Variants in CENATAC observed in about 807,000 individuals in gnomAD.
CENATAC encodes centrosomal AT-AC splicing factor, also known as coiled-coil domain containing 84.
Under a neutral mutation model 53.7 loss-of-function variants are expected in CENATAC, and 53 were observed. That is an observed-to-expected ratio of 0.99 (90% CI 0.79 to 1.24). CENATAC has a LOEUF of 1.24. Ranked by LOEUF, CENATAC falls within the 50% of genes most tolerant of loss-of-function variation. The probability of loss-of-function intolerance (pLI) is 0.00; values close to 1 mark genes in which losing one functional copy is unlikely to be tolerated. For missense variants in CENATAC, 474 were observed against 417.8 expected (o/e 1.13, Z -1.17); for synonymous variants, 156 against 144.6 (o/e 1.08, Z -0.57).
At chr11:119,011,180 C>T in intron 4 of CENATAC, 41 bp from the exon 5 acceptor site, 3 of 1,572,584 alleles carry the variant, frequency 1.9e-6, no homozygotes, top group Non-Finnish European at 1.7e-6. Flanking sequence ...GAAACTGGCC[C>T]CCATGATCCT....
rs996084856 is a variant in CENATAC at position 119,002,036 on chromosome 11, C to A, written c.383+2927C>A. 3.8e-4 allele frequency among the ~76,000 whole-genome samples: 57 copies of A among 151,766 alleles called. No homozygotes were observed. In the Middle Eastern group the frequency reaches 0.02, roughly 54 times the overall value. On this transcript the variant is annotated intron_variant, in intron 3 of 10. Coordinates refer to ENST00000334418, the MANE Select transcript of CENATAC (RefSeq NM_198489.3). Reference sequence around the variant, plus strand: ...GTCAGGAGTTCGAGACCAGCTTGGTCAACATGGTGAAACCCCATCCCTACT... The same window carrying A: ...GTCAGGAGTTCGAGACCAGCTTGGTAAACATGGTGAAACCCCATCCCTACT...
At chr11:118,998,627 G>T in intron 2 of CENATAC, 34 bp downstream of exon 2, 1 of 1,549,772 alleles carries the variant, frequency 6.5e-7, no homozygotes. Context: ...CTCCAGCACA[G>T]ACGCATACAT....
At chr11:119,012,498 A>G (rs1307210985) in intron 7 of CENATAC, 2 of 419,690 alleles carry the variant, frequency 4.8e-6, no homozygotes, top group Non-Finnish European at 8.7e-6. Context: ...CATAGTTCCA[A>G]CTCAACACAG....
intron 3 of CENATAC, among the ~76,000 whole-genome samples, chr11:119,002,748 C>T (rs1263467293): frequency 2.7e-5 from 4 of 148,302 alleles, no homozygotes; most frequent in Non-Finnish European, 5.9e-5. Flanking sequence ...AGTAAGATTT[C>T]TCCCATGCGA....
rs564551696 is a variant in CENATAC, at chr11:119,006,075, ATTTTTTTTTTTT to A, written c.384-4670_384-4659del. The A allele has an allele frequency of 5.0e-4, 29 of 58,490 alleles. 1 individual carries two copies. The highest frequency in any genetic ancestry group is 7.4e-4 in the African/African-American group (10 of 13,440). The allele number at this position is 58,490 out of a possible 1,614,324, so 3.6% of individuals were successfully genotyped here. A position where few individuals can be genotyped will look rare whatever the true frequency, so the allele number is the denominator to read the frequency against. On this transcript the variant is annotated intron_variant, in intron 3 of 10. Coordinates refer to ENST00000334418, the MANE Select transcript of CENATAC (RefSeq NM_198489.3). ...TGCCTTGGCCTTCAGAGTAGGCAGGATTTTTTTTTTTTTTTTTTTTTTTTTTTTTTGAGATGG... is the reference window on the plus strand; with the variant it reads ...TGCCTTGGCCTTCAGAGTAGGCAGGATTTTTTTTTTTTTTTTTTGAGATGG...
At chr11:119,014,136 A>G (rs77864120) in intron 8 of CENATAC, 2 of 152,386 alleles carry the variant, frequency 1.3e-5, no homozygotes, top group African/African-American at 4.8e-5. Flanking sequence ...CTGTCTACAT[A>G]GACTTGTACA....
intron 3 of CENATAC, chr11:119,001,763 A>C: frequency 2.3e-6 from 1 of 441,228 alleles, no homozygotes; most frequent in Non-Finnish European, 4.6e-6. Flanking sequence ...ATAATCAAGA[A>C]ACTAATGAAA....
intron 3 of CENATAC, among the ~76,000 whole-genome samples, chr11:119,001,377 T>G (rs528050454): frequency 6.6e-6 from 1 of 152,190 alleles, no homozygotes; most frequent in Non-Finnish European, 1.5e-5. Flanking sequence ...TTTCTGTGTG[T>G]AAGTTTTGAT....
chr11:119,000,914 T>A (rs577465394), intron 3 of CENATAC, among the ~76,000 whole-genome samples: 218 of 152,218 alleles, frequency 1.4e-3, no homozygotes, highest in Non-Finnish European at 2.2e-3. Flanking sequence ...CACATAGATT[T>A]TGTCAATGTG....
At position 119,011,342 on chromosome 11, in the gene CENATAC, C is replaced by T. The variant is rs781826890; in HGVS notation, c.513+59C>T. 7 of 1,509,000 alleles carry T rather than the reference C, an allele frequency of 4.6e-6. No individual in the cohort carries two copies. In the Admixed American group the frequency reaches 1.2e-4, roughly 26 times the overall value. 93.5% of individuals were successfully genotyped at this position (1,509,000 alleles called of 1,614,324 possible). A position where few individuals can be genotyped will look rare whatever the true frequency, so the allele number is the denominator to read the frequency against. On this transcript the variant is annotated intron_variant, in intron 5 of 10. Transcript: ENST00000334418. ...CAAATCCACTGATCCCTGGCATTCC[C>T]AGGTCCAGCATTTCATGGACTAGTG...
intron 3 of CENATAC, chr11:119,003,451 T>G: frequency 2.1e-6 from 1 of 469,344 alleles, no homozygotes; most frequent in Non-Finnish European, 4.1e-6. Flanking sequence ...TGCCATCTTG[T>G]GAAAAGGGGC....
At chr11:119,000,535 C>T (rs1467463707) in intron 3 of CENATAC, among the ~76,000 whole-genome samples, 1 of 149,058 alleles carries the variant, frequency 6.7e-6, no homozygotes, top group African/African-American at 2.5e-5. Flanking sequence ...CATGGTGGCT[C>T]ATGTGAAGTC....
chr11:119,002,224 CAAAAAAAAAAAA>C (rs782664366), intron 3 of CENATAC, among the ~76,000 whole-genome samples: 5 of 49,556 alleles, frequency 1.0e-4, no homozygotes, highest in Non-Finnish European at 1.5e-4. Context: ...AACTCTGTCT[CAAAAAAAAAAAA>C]AAAAAAAAAA....
intron 3 of CENATAC, among the ~76,000 whole-genome samples, chr11:119,000,581 C>G (rs528793559): frequency 1.3e-5 from 2 of 151,612 alleles, no homozygotes; most frequent in African/African-American, 2.4e-5. Flanking sequence ...CACGGCAAAA[C>G]CCTGTCTCTA....
In CENATAC at chr11:118,998,483, C is replaced by G; in HGVS notation, c.174C>G (p.Pro58=). The change falls in exon 2 of 11, where the codon CCC becomes CCG. Residue 58 remains proline, a synonymous_variant. Coordinates refer to ENST00000334418, the MANE Select transcript of CENATAC (RefSeq NM_198489.3). Reference sequence around the variant, plus strand: ...CCGCTCAGGTGGAGCGCTATGTGCCCGAACACGAGCGATGCTGCTGGTGCC... The same window carrying G: ...CCGCTCAGGTGGAGCGCTATGTGCCGGAACACGAGCGATGCTGCTGGTGCC... ...IRAAQVERYV[P]EHERCCWCLC... is the part of the protein sequence containing the mutation. The G allele has an allele frequency of 3.1e-6, 5 of 1,613,228 alleles. No individual in the cohort carries two copies. The highest frequency in any genetic ancestry group is 1.7e-4 in the Middle Eastern group (1 of 6,058).
In CENATAC at chr11:119,011,985, G is replaced by A; in HGVS notation, c.560G>A (p.Ser187Asn). The change falls in exon 6 of 11, where the codon AGC becomes AAC. Residue 187 changes from serine to asparagine, a missense_variant. Transcript: ENST00000334418. ...DPEEGSSAPR[S>N]WKGMNSQVAS... ...GAAGAGGGCTCTTCAGCACCTAGAA[G>A]CTGGAAAGGGATGAACAGGTAAGAC... The A allele has an allele frequency of 1.9e-6, 3 of 1,614,070 alleles. No individual in the cohort carries two copies. Among genetic ancestry groups the A allele is most frequent in the Non-Finnish European group, 2.5e-6 (3 of 1,180,002 alleles).
intron 3 of CENATAC, among the ~76,000 whole-genome samples, chr11:119,001,180 A>G (rs895251275): frequency 6.6e-6 from 1 of 152,168 alleles, no homozygotes; most frequent in Non-Finnish European, 1.5e-5. Flanking sequence ...TGGTGAGACA[A>G]CTGCTTACAA....
At chr11:119,011,667 G>A (rs1045881558) in intron 5 of CENATAC, among the ~76,000 whole-genome samples, 2 of 152,116 alleles carry the variant, frequency 1.3e-5, no homozygotes, top group Non-Finnish European at 2.9e-5. Context: ...CACTGTGCCC[G>A]GCCATGAACC....
At position 118,998,388 on chromosome 11, in the gene CENATAC, T is replaced by TG. The variant is rs781823498; in HGVS notation, c.121-37dup. ...AGTGAAGGCCAGAGCGGGTGTGATT[T>TG]GGGGGTCCCCCTCGGGGTTCTACTT... On this transcript the variant is annotated intron_variant, in intron 1 of 10. Transcript: ENST00000334418. 6.5e-5 allele frequency: 104 copies of TG among 1,612,288 alleles called. No homozygotes were observed. In the African/African-American group the frequency reaches 9.1e-4, roughly 14 times the overall value.
Sources: allele counts gnomAD v4.1 joint callset (sites outside exome capture counted in the v4.1 genomes callset), GRCh38; gene constraint gnomAD v4.1.1; transcripts MANE v1.5; gene names NCBI Gene and HGNC (gene_info 2026-07-23, HGNC 2026-07-21).